The following CAMK2G variants were observed in gnomAD, a reference collection of about 807,000 sequenced individuals.
The protein encoded by CAMK2G is calcium/calmodulin dependent protein kinase II gamma.
CAMK2G carries 23 observed loss-of-function variants against 88.7 expected under a neutral mutation model. The observed-to-expected ratio is 0.26, with a 90% CI of 0.19 to 0.37. The LOEUF is 0.37. Among genes scored for constraint, CAMK2G ranks in the 10% least tolerant of loss-of-function variants. The pLI, the probability that CAMK2G is intolerant of heterozygous loss-of-function variation, is 1.00. For missense variants in CAMK2G, 476 were observed against 780.8 expected (o/e 0.61, Z 4.65); for synonymous variants, 263 against 294.8 (o/e 0.89, Z 1.11).
intron 2 of CAMK2G, among the ~76,000 whole-genome samples, chr10:73,864,489 T>C (rs899640219): frequency 4.6e-5 from 7 of 152,090 alleles, no homozygotes; most frequent in East Asian, 1.9e-4. Context: ...AAGTGCTGCG[T>C]AGAAAAAGCA....
At chr10:73,823,530 G>C (rs2089879145) in intron 17 of CAMK2G, among the ~76,000 whole-genome samples, 1 of 152,124 alleles carries the variant, frequency 6.6e-6, no homozygotes, top group Non-Finnish European at 1.5e-5. Context: ...TTATCTGTTT[G>C]CTTATTGGTT....
rs373874235 is a variant in CAMK2G at position 73,853,133 on chromosome 10, C to T, written c.275+59G>A. ...GAGCCTGTTTAGGCCTCTTCCTGAG[C>T]CTTCATTTTGAGTCAGCTAGAGGGA... On this transcript the variant is annotated intron_variant, in intron 4 of 22. Coordinates refer to ENST00000423381, the MANE Select transcript of CAMK2G (RefSeq NM_001367534.1). 5 of 1,511,606 alleles carry T rather than the reference C, an allele frequency of 3.3e-6. No homozygotes were observed. The South Asian group carries it at 3.4e-5, about 10-fold the overall frequency. 93.6% of individuals were successfully genotyped at this position (1,511,606 alleles called of 1,614,324 possible). A position where few individuals can be genotyped will look rare whatever the true frequency, so the allele number is the denominator to read the frequency against.
intron 14 of CAMK2G, among the ~76,000 whole-genome samples, chr10:73,836,022 C>T (rs945533181): frequency 6.6e-6 from 1 of 151,782 alleles, no homozygotes; most frequent in Non-Finnish European, 1.5e-5. Context: ...TTTGTAGAGA[C>T]GGAGTTTCAC....
At chr10:73,867,430 C>T (rs1032269126) in intron 2 of CAMK2G, among the ~76,000 whole-genome samples, 4 of 152,242 alleles carry the variant, frequency 2.6e-5, no homozygotes, top group Non-Finnish European at 5.9e-5. Flanking sequence ...GTGCCTGCAG[C>T]CTTTGCCCAC....
intron 10 of CAMK2G, among the ~76,000 whole-genome samples, chr10:73,843,375 T>C (rs971323785): frequency 3.9e-5 from 6 of 152,166 alleles, no homozygotes; most frequent in Admixed American, 3.9e-4. Context: ...CTTTTTTGGA[T>C]GGAAATTTGT....
chr10:73,827,768 T>C (rs1331647076), intron 15 of CAMK2G, among the ~76,000 whole-genome samples: 1 of 152,174 alleles, frequency 6.6e-6, no homozygotes, highest in East Asian at 1.9e-4. Flanking sequence ...GGCCTCTCCT[T>C]CTGGGTGACA....
In CAMK2G at chr10:73,874,334, G is replaced by A. The variant is rs1377433590; in HGVS notation, c.65+63C>T. 38 of 1,163,946 alleles carry A rather than the reference G, an allele frequency of 3.3e-5. No homozygotes were observed. In the East Asian group the frequency reaches 1.2e-3, roughly 36 times the overall value. 72.1% of individuals were successfully genotyped at this position (1,163,946 alleles called of 1,614,324 possible). A position where few individuals can be genotyped will look rare whatever the true frequency, so the allele number is the denominator to read the frequency against. On this transcript the variant is annotated intron_variant, in intron 1 of 22. Transcript: ENST00000423381. Reference sequence around the variant, plus strand: ...GGCCGGTGCAGGGCCGGGGGGCGGGGCGAGAAGCCGCATAGCTCCCGGGCG... The same window carrying A: ...GGCCGGTGCAGGGCCGGGGGGCGGGACGAGAAGCCGCATAGCTCCCGGGCG...
chr10:73,858,865 T>G (rs2095229738), intron 3 of CAMK2G, among the ~76,000 whole-genome samples: 1 of 152,250 alleles, frequency 6.6e-6, no homozygotes, highest in Non-Finnish European at 1.5e-5. Flanking sequence ...TGCTCATTTC[T>G]CAATTGTCTT....
At chr10:73,873,285 G>A in intron 1 of CAMK2G, 2 of 1,224,848 alleles carry the variant, frequency 1.6e-6, no homozygotes, top group Non-Finnish European at 2.2e-6. Flanking sequence ...ACAGATGTGG[G>A]TGGCGTGCCG....
intron 9 of CAMK2G, 73 bp from the exon 10 acceptor site, chr10:73,847,420 A>G: frequency 6.6e-7 from 1 of 1,508,518 alleles, no homozygotes; most frequent in Non-Finnish European, 9.2e-7. Flanking sequence ...TTCTGTCTTC[A>G]ACTCAACTCC....
At chr10:73,849,236 G>T in intron 6 of CAMK2G, 25 bp downstream of exon 6, 1 of 1,602,720 alleles carries the variant, frequency 6.2e-7, no homozygotes, top group Non-Finnish European at 8.5e-7. Flanking sequence ...ATGAGCAGAG[G>T]CACGGAGGGG....
At chr10:73,831,367 G>A (rs924611718) in intron 14 of CAMK2G, among the ~76,000 whole-genome samples, 7 of 151,440 alleles carry the variant, frequency 4.6e-5, no homozygotes, top group East Asian at 1.9e-4. Flanking sequence ...GCAAAACCCC[G>A]TCTCTACTAA....
At chr10:73,864,879 T>G (rs1313130263) in intron 2 of CAMK2G, among the ~76,000 whole-genome samples, 1 of 152,020 alleles carries the variant, frequency 6.6e-6, no homozygotes, top group Non-Finnish European at 1.5e-5. Flanking sequence ...CTCCTGACCT[T>G]ATGATCCGCC....
intron 17 of CAMK2G, 80 bp downstream of exon 17, chr10:73,823,960 C>T: frequency 2.7e-6 from 3 of 1,096,374 alleles, no homozygotes; most frequent in Non-Finnish European, 4.2e-6. Flanking sequence ...CCTCAGGGTG[C>T]AGCCTGTAGA....
intron 3 of CAMK2G, among the ~76,000 whole-genome samples, chr10:73,856,583 G>A (rs546382205): frequency 9.8e-5 from 15 of 152,354 alleles, no homozygotes; most frequent in African/African-American, 3.6e-4. Flanking sequence ...AAGCACAACT[G>A]TGTCATGCTG....
At chr10:73,817,584 C>A (rs781326414) in intron 19 of CAMK2G, 30 bp from the exon 20 acceptor site, 19 of 1,511,632 alleles carry the variant, frequency 1.3e-5, no homozygotes, top group Non-Finnish European at 1.7e-5. Context: ...ATCAATTTAC[C>A]TACTGGGGAA....
intron 18 of CAMK2G, among the ~76,000 whole-genome samples, chr10:73,820,492 A>ATATATATTTTTTTT (rs1554995765): frequency 2.0e-5 from 1 of 51,052 alleles, no homozygotes; most frequent in African/African-American, 8.9e-5. Flanking sequence ...ATATATATAT[A>ATATATATTTTTTTT]TTTTTTTTTT....
chr10:73,829,222 G>A lies in CAMK2G; in HGVS notation c.1054-1101C>T, dbSNP rs533189789. On this transcript the variant is annotated intron_variant, in intron 14 of 22. Transcript: ENST00000423381. Reference sequence around the variant, plus strand: ...CCATAATTTAGAATTAGATTTAAAGGAAAAGAAAAACCTAAATATAGTTAG... The same window carrying A: ...CCATAATTTAGAATTAGATTTAAAGAAAAAGAAAAACCTAAATATAGTTAG... Among the ~76,000 whole-genome samples, 8 of 152,008 alleles carry A rather than the reference G, an allele frequency of 5.3e-5. No homozygotes were observed. In the South Asian group the frequency reaches 1.2e-3, roughly 24 times the overall value.
chr10:73,833,114 CCA>C (rs2092712980), intron 14 of CAMK2G, among the ~76,000 whole-genome samples: 1 of 151,712 alleles, frequency 6.6e-6, no homozygotes, highest in Non-Finnish European at 1.5e-5. Context: ...GCACGTTCCA[CCA>C]CACTCAGCTA....
Sources: allele counts gnomAD v4.1 joint callset (sites outside exome capture counted in the v4.1 genomes callset), GRCh38; gene constraint gnomAD v4.1.1; transcripts MANE v1.5; gene names NCBI Gene and HGNC (gene_info 2026-07-23, HGNC 2026-07-21).